MAP3K20: variants seen among roughly 807,000 people sequenced by gnomAD.
MAP3K20 encodes the protein mitogen-activated protein kinase kinase kinase 20.
MAP3K20 carries 40 observed loss-of-function variants against 85.7 expected under a neutral mutation model. The observed-to-expected ratio is 0.47, with a 90% CI of 0.36 to 0.61. The LOEUF is 0.61. Ranked by LOEUF, MAP3K20 falls within the 20% of genes least tolerant of loss-of-function variation. The pLI is 0.00. For missense variants in MAP3K20, 817 were observed against 961.7 expected, an observed-to-expected ratio of 0.85 and a Z score of 1.99; for synonymous variants, 325 against 327.7, an observed-to-expected ratio of 0.99 and a Z score of 0.09.
chr2:173,192,634 TG>T (rs1690692115), intron 7 of MAP3K20, among the ~76,000 whole-genome samples: 1 of 152,236 alleles, frequency 6.6e-6, no homozygotes, highest in East Asian at 1.9e-4. Context: ...CTTATAAAAC[TG>T]GTCTCCTATG....
chr2:173,221,314 G>A, intron 11 of MAP3K20: 1 of 1,613,896 alleles, frequency 6.2e-7, no homozygotes, highest in East Asian at 2.2e-5. Flanking sequence ...TGGGCTTTGG[G>A]GATATCTTCT....
chr2:173,223,461 C>T, intron 11 of MAP3K20: 1 of 985,308 alleles, frequency 1.0e-6, no homozygotes, highest in Non-Finnish European at 1.2e-6. Flanking sequence ...TGAATGGTGC[C>T]AGTGAAGACA....
chr2:173,113,492 A>G (rs1688030987), intron 2 of MAP3K20, among the ~76,000 whole-genome samples: 1 of 151,762 alleles, frequency 6.6e-6, no homozygotes, highest in African/African-American at 2.4e-5. Flanking sequence ...TTAGAATGTC[A>G]GTTTGTGCTC....
At chr2:173,117,051 A>G (rs573908673) in intron 2 of MAP3K20, among the ~76,000 whole-genome samples, 21 of 152,332 alleles carry the variant, frequency 1.4e-4, no homozygotes, top group African/African-American at 5.1e-4. Flanking sequence ...TCAGTTCTAA[A>G]AGAGTTAGGA....
intron 2 of MAP3K20, among the ~76,000 whole-genome samples, chr2:173,164,641 A>C (rs1290359048): frequency 6.6e-6 from 1 of 152,220 alleles, no homozygotes; most frequent in Non-Finnish European, 1.5e-5. Flanking sequence ...AAATTAAATA[A>C]ACAAAATAAA....
intron 3 of MAP3K20, among the ~76,000 whole-genome samples, chr2:173,176,310 A>G (rs115209935): frequency 4.3e-4 from 65 of 152,242 alleles, no homozygotes; most frequent in Non-Finnish European, 7.4e-4. Flanking sequence ...ATAATGATGA[A>G]TAAAAATAAA....
Position 173,187,583 on chromosome 2 carries a change from TC to T in MAP3K20, c.377del (p.Pro126LeufsTer4). On this transcript the variant is annotated frameshift_variant, in exon 5 of 20. Coordinates refer to ENST00000375213, the MANE Select transcript of MAP3K20 (RefSeq NM_016653.3). LOFTEE classifies it high-confidence loss of function. ...KGMHYLHMEA[P>X]VKVIHRDLKS... ...GAATGCATTATTTACATATGGAGGC[TC>T]CTGTCAAGGTGATTCACAGAGACCT... is the stretch of plus-strand genomic sequence containing the variant. 6.2e-7 allele frequency: 1 copy of T among 1,608,438 alleles called. No homozygotes were observed. The highest frequency in any genetic ancestry group is 8.5e-7 in the Non-Finnish European group (1 of 1,178,188).
At chr2:173,181,199 C>T (rs550020845) in intron 3 of MAP3K20, among the ~76,000 whole-genome samples, 19 of 152,158 alleles carry the variant, frequency 1.2e-4, no homozygotes, top group South Asian at 2.1e-4. Flanking sequence ...GTGTTATACC[C>T]GCTACAATGG....
chr2:173,116,985 A>G (rs767327842), intron 2 of MAP3K20, among the ~76,000 whole-genome samples: 20 of 152,320 alleles, frequency 1.3e-4, no homozygotes, highest in South Asian at 2.1e-4. Flanking sequence ...GGTGGCAGCA[A>G]TGGGGATTTC....
chr2:173,142,239 G>A (rs1013180207), intron 2 of MAP3K20, among the ~76,000 whole-genome samples: 1 of 152,110 alleles, frequency 6.6e-6, no homozygotes, highest in Non-Finnish European at 1.5e-5. Context: ...TTGGGAGGCC[G>A]AGGCGGGTGG....
rs188015665 is a variant in MAP3K20 at position 173,164,821 on chromosome 2, A to G, written c.160-4984A>G. Among the ~76,000 whole-genome samples the G allele has an allele frequency of 2.0e-5, 3 of 152,316 alleles. No homozygotes were observed. The East Asian group carries it at 5.8e-4, about 29-fold the overall frequency. On this transcript the variant is annotated intron_variant, in intron 2 of 19. Transcript: ENST00000375213. Reference sequence around the variant, plus strand: ...TCGTTTGGAACCTGTGTGTTAGTCGATGTCTGGAAACATGGCAAACTGAGC... The same window carrying G: ...TCGTTTGGAACCTGTGTGTTAGTCGGTGTCTGGAAACATGGCAAACTGAGC...
chr2:173,179,160 G>A (rs569102796), intron 3 of MAP3K20, among the ~76,000 whole-genome samples: 17 of 152,162 alleles, frequency 1.1e-4, no homozygotes, highest in African/African-American at 3.6e-4. Flanking sequence ...TTGGGAGGCC[G>A]AGGTGGGCGG....
chr2:173,207,051 T>C (rs555968843), intron 9 of MAP3K20, among the ~76,000 whole-genome samples: 1 of 149,714 alleles, frequency 6.7e-6, no homozygotes, highest in South Asian at 2.2e-4. Flanking sequence ...GGGGTGGTGA[T>C]GTATGCAAGA....
intron 11 of MAP3K20, chr2:173,227,174 T>C (rs1436165822): frequency 2.1e-6 from 2 of 974,666 alleles, no homozygotes; most frequent in Non-Finnish European, 2.4e-6. Flanking sequence ...GCTGTGTATA[T>C]AAGATCCCTG....
At chr2:173,227,439 C>A (rs1402409216) in intron 11 of MAP3K20, among the ~76,000 whole-genome samples, 1 of 152,138 alleles carries the variant, frequency 6.6e-6, no homozygotes, top group East Asian at 1.9e-4. Context: ...GGCTGGAGAT[C>A]ATTAACTCTT....
chr2:173,263,960 A>G, intron 19 of MAP3K20, 65 bp downstream of exon 19: 2 of 1,548,594 alleles, frequency 1.3e-6, no homozygotes, highest in Non-Finnish European at 1.7e-6. Context: ...ACATTTCCAG[A>G]TGATCTAAAG....
At chr2:173,216,412 T>C (rs1462779303) in intron 10 of MAP3K20, among the ~76,000 whole-genome samples, 3 of 152,170 alleles carry the variant, frequency 2.0e-5, no homozygotes, top group Non-Finnish European at 4.4e-5. Context: ...TCGGGTCTTT[T>C]ATAAAATAAT....
At chr2:173,083,379 A>T (rs1687062270) in intron 1 of MAP3K20, among the ~76,000 whole-genome samples, 1 of 151,706 alleles carries the variant, frequency 6.6e-6, no homozygotes, top group South Asian at 2.1e-4. Flanking sequence ...TTTTTGAGAC[A>T]GAGTCTCACT....
chr2:173,232,555 G>C, intron 14 of MAP3K20, 96 bp downstream of exon 14: 1 of 1,536,460 alleles, frequency 6.5e-7, no homozygotes, highest in Non-Finnish European at 8.8e-7. Context: ...CCAGGCTGGA[G>C]TGCAAAGGCA....
Sources: gnomAD v4.1 joint callset for allele counts (sites outside exome capture counted in the v4.1 genomes callset) on GRCh38, gnomAD v4.1.1 for gene constraint, MANE v1.5 for transcripts, NCBI Gene and HGNC (gene_info 2026-07-23, HGNC 2026-07-21) for gene names.